Variants in HOMEZ observed in about 807,000 individuals in gnomAD.
HOMEZ encodes homeobox and leucine zipper protein Homez.
HOMEZ carries 20 observed loss-of-function variants against 50.1 expected under a neutral mutation model. The observed-to-expected ratio is 0.40, with a 90% CI of 0.28 to 0.58. The LOEUF is 0.58. HOMEZ is among the 20% of genes least tolerant of loss of function. The pLI, the probability that HOMEZ is intolerant of heterozygous loss-of-function variation, is 0.46. For synonymous variants in HOMEZ, 239 were observed against 254.7 expected (o/e 0.94, Z 0.59); for missense variants, 579 against 680.5 (o/e 0.85, Z 1.66).
chr14:23,276,515 T>A lies in HOMEZ; in HGVS notation c.713A>T (p.Asn238Ile). The part of the protein sequence containing the change: ...LSKEQAGRGP[N>I]QSHGIGTASW... ...AGCAGTACCTATGCCATGTGACTGG[T>A]TGGGACCCCTGCCTGCCTGCTCCTT... The change falls in exon 2 of 2, where the codon AAC (asparagine) becomes ATC (isoleucine). Residue 238 changes from asparagine to isoleucine, a missense_variant. Asn to Ile is a moderately radical substitution (Grantham distance 149). Transcript: ENST00000357460. The surrounding 1 kb of genome is among the most constrained non-coding windows in gnomAD (Gnocchi z 4.1). 1 of 1,614,008 alleles carries A rather than the reference T, an allele frequency of 6.2e-7. No homozygotes were observed. The highest frequency in any genetic ancestry group is 8.5e-7 in the Non-Finnish European group (1 of 1,179,886).
In HOMEZ at chr14:23,272,739, G is replaced by A; in HGVS notation, c.*2836C>T. ...AAAGCAGTGGTGTCTGTCTCGATAA[G>A]CTTCATACAACAGGTCAGAGAGACT... On this transcript the variant is annotated 3_prime_UTR_variant, in exon 2 of 2. Transcript: ENST00000357460. The A allele has an allele frequency of 2.4e-6, 2 of 839,444 alleles. No homozygotes were observed. The highest frequency in any genetic ancestry group is 1.7e-5 in the African/African-American group (1 of 59,372). The allele number at this position is 839,444 out of a possible 1,614,324, so 52.0% of individuals were successfully genotyped here.
At chr14:23,285,492 C>T (rs1013433596) in intron 1 of HOMEZ, 6 of 158,992 alleles carry the variant, frequency 3.8e-5, no homozygotes, top group Non-Finnish European at 5.5e-5. Flanking sequence ...CCAGGTTCTG[C>T]ACGTGTGTTG....
intron 1 of HOMEZ, 69 bp from the exon 2 acceptor site, chr14:23,277,256 A>C (rs1886387183): frequency 7.3e-7 from 1 of 1,369,202 alleles, no homozygotes; most frequent in African/African-American, 1.5e-5. Context: ...ATTTCTACCA[A>C]ACTAACTGCT....
chr14:23,283,689 G>T (rs967990818), intron 1 of HOMEZ, among the ~76,000 whole-genome samples: 1 of 152,216 alleles, frequency 6.6e-6, no homozygotes, highest in African/African-American at 2.4e-5. Context: ...GAGGTCAGGA[G>T]TTCGAGACCA....
Position 23,274,695 on chromosome 14 carries a change from C to G in HOMEZ, c.*880G>C, listed in dbSNP as rs1437786158. 6.6e-6 allele frequency: 1 copy of G among 152,268 alleles called. No homozygotes were observed. The highest frequency in any genetic ancestry group is 1.5e-5 in the Non-Finnish European group (1 of 68,084). 9.4% of individuals were successfully genotyped at this position (152,268 alleles called of 1,614,324 possible). A position where few individuals can be genotyped will look rare whatever the true frequency, so the allele number is the denominator to read the frequency against. On this transcript the variant is annotated 3_prime_UTR_variant, in exon 2 of 2. Transcript: ENST00000357460. ...GGCCAAGGTGGGCGGATCATGAGGT[C>G]AGGAGATCAAGACCATCCTGGCTAA...
Position 23,275,779 on chromosome 14 carries a change from T to C in HOMEZ, c.1449A>G (p.Gln483=), listed in dbSNP as rs945584163. Residue 483 remains glutamine, a synonymous_variant, in exon 2 of 2, where the codon CAA becomes CAG. Coordinates refer to ENST00000357460, the MANE Select transcript of HOMEZ (RefSeq NM_020834.3). ...TGCTAAGCCTTGATGCCTGACTCAA[T>C]TGAGGGATATCAGTTTCCCGTAGCT... ...HQQLRETDIP[Q]LSQASRLSTQ... 1.1e-5 allele frequency: 17 copies of C among 1,613,264 alleles called. No homozygotes were observed. The highest frequency in any genetic ancestry group is 1.7e-5 in the Admixed American group (1 of 59,964).
rs997218200 is a variant in HOMEZ at position 23,272,604 on chromosome 14, T to G, written c.*2971A>C. The G allele has an allele frequency of 2.5e-5, 14 of 560,040 alleles. No individual in the cohort carries two copies. The highest frequency in any genetic ancestry group is 3.8e-5 in the Non-Finnish European group (12 of 316,172). 34.7% of individuals were successfully genotyped at this position (560,040 alleles called of 1,614,324 possible). On this transcript the variant is annotated 3_prime_UTR_variant, in exon 2 of 2. Coordinates refer to ENST00000357460, the MANE Select transcript of HOMEZ (RefSeq NM_020834.3). ...TTAATTTTCAAATATTCATCCTTATTATTATCACCATAAGCTACTGAAATG... is the reference window on the plus strand; with the variant it reads ...TTAATTTTCAAATATTCATCCTTATGATTATCACCATAAGCTACTGAAATG...
At chr14:23,278,542 T>A (rs745897502) in intron 1 of HOMEZ, among the ~76,000 whole-genome samples, 1 of 152,010 alleles carries the variant, frequency 6.6e-6, no homozygotes, top group Non-Finnish European at 1.5e-5. Flanking sequence ...ATTTTAAAAT[T>A]TTTTGTAGAC....
At chr14:23,277,864 C>G (rs1374596021) in intron 1 of HOMEZ, among the ~76,000 whole-genome samples, 1 of 151,888 alleles carries the variant, frequency 6.6e-6, no homozygotes, top group Non-Finnish European at 1.5e-5. Context: ...GAGTCTCACT[C>G]TCTCGCCCAG....
chr14:23,276,233 G>A lies in HOMEZ; in HGVS notation c.995C>T (p.Pro332Leu). The A allele has an allele frequency of 6.2e-7, 1 of 1,613,990 alleles. No homozygotes were observed. The highest frequency in any genetic ancestry group is 8.5e-7 in the Non-Finnish European group (1 of 1,179,888). Residue 332 changes from proline to leucine, a missense_variant, in exon 2 of 2, where the codon CCC (proline) becomes CTC (leucine). Physicochemically the swap from Pro to Leu is moderately conservative, Grantham distance 98. Coordinates refer to ENST00000357460, the MANE Select transcript of HOMEZ (RefSeq NM_020834.3). This position sits in a 1 kb window ranked among gnomAD's most constrained non-coding sequence, Gnocchi z 4.1. ...TACTGAGTTATGCCGTAGCCCTTGG[G>A]GCCAGGCTGGTTCCAGATGTGGGGG... ...ALPPHLEPAWPQGLRHNSVPG... is the reference protein window; with the variant it reads ...ALPPHLEPAWLQGLRHNSVPG...
rs776723363 is a variant in HOMEZ, at chr14:23,275,970, G to A, written c.1258C>T (p.Arg420Trp). 4.0e-5 allele frequency: 64 copies of A among 1,612,606 alleles called. No homozygotes were observed. In the East Asian group the frequency reaches 5.3e-4, roughly 13 times the overall value. Residue 420 changes from arginine (R) to tryptophan (W), a missense_variant, in exon 2 of 2, where the codon CGG becomes TGG. Coordinates refer to ENST00000357460, the MANE Select transcript of HOMEZ (RefSeq NM_020834.3). Reference sequence around the variant, plus strand: ...GGGGCACCAGGTACTGCGTTGTCCCGAAACCACTTTAGTTGCCCATGCTTC... The same window carrying A: ...GGGGCACCAGGTACTGCGTTGTCCCAAAACCACTTTAGTTGCCCATGCTTC... The part of the protein sequence containing the change: ...ALKHGQLKWF[R>W]DNAVPGAPSF...
intron 1 of HOMEZ, among the ~76,000 whole-genome samples, chr14:23,280,105 C>T (rs1033075512): frequency 7.9e-5 from 12 of 151,874 alleles, no homozygotes; most frequent in African/African-American, 2.9e-4. Flanking sequence ...TGGGGGAAGG[C>T]GACTGACAGT....
rs35076736 is a variant in HOMEZ, at chr14:23,275,617, TTCCTCC to T, written c.1605_1610del (p.Glu536_Glu537del). On this transcript the variant is annotated inframe_deletion, in exon 2 of 2. Transcript: ENST00000357460. ...CATCATCATCATCATCATCATCATC[TTCCTCC>T]TCCTCCTCCTCCTCTTCCTCATCAT... The T allele has an allele frequency of 2.3e-3, 3,198 of 1,390,576 alleles. 55 individuals carry two copies. In the African/African-American group the frequency reaches 0.039, roughly 17 times the overall value. 86.1% of individuals were successfully genotyped at this position (1,390,576 alleles called of 1,614,324 possible).
chr14:23,285,997 G>T lies in HOMEZ; in HGVS notation c.-45C>A, dbSNP rs1886655842. The T allele has an allele frequency of 8.1e-7, 1 of 1,234,606 alleles. No individual in the cohort carries two copies. Among genetic ancestry groups the T allele is most frequent in the Non-Finnish European group, 1.0e-6 (1 of 985,298 alleles). 76.5% of individuals were successfully genotyped at this position (1,234,606 alleles called of 1,614,324 possible). A position where few individuals can be genotyped will look rare whatever the true frequency, so the allele number is the denominator to read the frequency against. The stretch of plus-strand genomic sequence containing the variant: ...GAGAGGGCAGGGGGCCTCCGAGTGG[G>T]AGTGGGGTTGCTGCCCGGTGCGGCC... On this transcript the variant is annotated 5_prime_UTR_variant, in exon 1 of 2. Transcript: ENST00000357460.
chr14:23,281,507 T>C (rs970802290), intron 1 of HOMEZ, among the ~76,000 whole-genome samples: 3 of 152,094 alleles, frequency 2.0e-5, no homozygotes, highest in African/African-American at 7.2e-5. Context: ...AGAGAGTACG[T>C]AAGAGTACTA....
chr14:23,275,914 T>C lies in HOMEZ; in HGVS notation c.1314A>G (p.Pro438=), dbSNP rs2140501146. The C allele has an allele frequency of 6.2e-7, 1 of 1,605,718 alleles. No individual in the cohort carries two copies. The highest frequency in any genetic ancestry group is 8.5e-7 in the Non-Finnish European group (1 of 1,175,488). Residue 438 remains proline, a synonymous_variant, in exon 2 of 2, where the codon CCA becomes CCG. Coordinates refer to ENST00000357460, the MANE Select transcript of HOMEZ (RefSeq NM_020834.3). ...PSFQDPAIPT[P]PPSTRSLNER... ...CGTTCAAGGAGCGGGTTGATGGTGG[T>C]GGTGTAGGAATTGCTGGGTCTTGGA...
chr14:23,277,301 T>C (rs547049104), intron 1 of HOMEZ, 114 bp from the exon 2 acceptor site: 10 of 1,003,950 alleles, frequency 1.0e-5, no homozygotes, highest in Admixed American at 3.1e-5. Context: ...ATTTGTATCA[T>C]GTTGTATTGC....
At position 23,276,775 on chromosome 14, in the gene HOMEZ, C is replaced by T; in HGVS notation, c.453G>A (p.Glu151=). The T allele has an allele frequency of 6.2e-7, 1 of 1,614,050 alleles. No individual in the cohort carries two copies. Among genetic ancestry groups the T allele is most frequent in the South Asian group, 1.1e-5 (1 of 91,086 alleles). Residue 151 remains glutamate, a synonymous_variant, in exon 2 of 2, where the codon GAG becomes GAA. Transcript: ENST00000357460. This position sits in a 1 kb window ranked among gnomAD's most constrained non-coding sequence, Gnocchi z 4.1. ...FTHHAGRPPE[E]VPPPPVPAPE... Reference sequence around the variant, plus strand: ...GAGCTGGCACTGGAGGAGGAGGCACCTCCTCTGGGGGCCGTCCCGCATGAT... The same window carrying T: ...GAGCTGGCACTGGAGGAGGAGGCACTTCCTCTGGGGGCCGTCCCGCATGAT...
chr14:23,285,614 G>A (rs1292560878), intron 1 of HOMEZ: 15 of 335,062 alleles, frequency 4.5e-5, no homozygotes, highest in Non-Finnish European at 8.1e-5. Context: ...GCTCCGAACT[G>A]GGTCAGGGAA....
Sources: allele counts gnomAD v4.1 joint callset (sites outside exome capture counted in the v4.1 genomes callset), GRCh38; gene constraint gnomAD v4.1.1; non-coding constraint Gnocchi (gnomAD v3.1); transcripts MANE v1.5; gene names NCBI Gene and HGNC (gene_info 2026-07-23, HGNC 2026-07-21).